CRPPA: variants seen among roughly 807,000 people sequenced by gnomAD.
CRPPA encodes the protein D-ribitol-5-phosphate cytidylyltransferase.
Under a neutral mutation model 52.0 loss-of-function variants are expected in CRPPA, and 43 were observed. The observed-to-expected ratio is 0.83, with a 90% confidence interval of 0.65 to 1.07. CRPPA has a LOEUF of 1.07. Among genes scored for constraint, CRPPA ranks in the 50% least tolerant of loss-of-function variants. The pLI is 0.00. For missense variants in CRPPA, 629 were observed against 551.7 expected (o/e 1.14, Z -1.40); for synonymous variants, 250 against 203.5 (o/e 1.23, Z -1.94).
chr7:16,320,361 C>G (rs1299692485), intron 3 of CRPPA, among the ~76,000 whole-genome samples: 1 of 152,000 alleles, frequency 6.6e-6, no homozygotes, highest in Non-Finnish European at 1.5e-5. Flanking sequence ...CTCAGAGGGA[C>G]TGGAAAACTT....
At chr7:16,302,294 T>TC (rs1182070490) in intron 4 of CRPPA, among the ~76,000 whole-genome samples, 7 of 7,788 alleles carry the variant, frequency 9.0e-4, no homozygotes, top group Non-Finnish European at 1.3e-3. Context: ...AGACTCTGTC[T>TC]CAAAAAAAAA....
chr7:16,306,845 C>G (rs1784923686), intron 4 of CRPPA, among the ~76,000 whole-genome samples: 1 of 152,084 alleles, frequency 6.6e-6, no homozygotes, highest in South Asian at 2.1e-4. Flanking sequence ...GTTAACCCAG[C>G]AGAGGCAGAC....
At chr7:16,386,132 G>C (rs371832684) in intron 2 of CRPPA, among the ~76,000 whole-genome samples, 1 of 152,018 alleles carries the variant, frequency 6.6e-6, no homozygotes. Context: ...GGTGGAGGTG[G>C]TCTCGGTAGG....
At chr7:16,305,876 G>A (rs966766475) in intron 4 of CRPPA, among the ~76,000 whole-genome samples, 18 of 152,082 alleles carry the variant, frequency 1.2e-4, no homozygotes, top group Non-Finnish European at 1.5e-4. Context: ...GCAAGACTCC[G>A]TCAAAAACAA....
chr7:16,260,463 T>A (rs1196960644), intron 6 of CRPPA, among the ~76,000 whole-genome samples: 2 of 152,008 alleles, frequency 1.3e-5, no homozygotes, highest in African/African-American at 4.8e-5. Context: ...CATCTCTCCA[T>A]GGAAATTGGA....
At chr7:16,191,645 T>A (rs1781613281) in intron 9 of CRPPA, among the ~76,000 whole-genome samples, 1 of 152,164 alleles carries the variant, frequency 6.6e-6, no homozygotes, top group African/African-American at 2.4e-5. Context: ...TAGTCTTAGC[T>A]ATATTGGACT....
intron 9 of CRPPA, among the ~76,000 whole-genome samples, chr7:16,198,319 C>A (rs1023910196): frequency 5.1e-5 from 2 of 39,506 alleles, no homozygotes; most frequent in Admixed American, 3.2e-4. Context: ...GGAGGTGGGA[C>A]CTGCGGGCAG....
At chr7:16,251,655 A>G (rs1429880227) in intron 8 of CRPPA, among the ~76,000 whole-genome samples, 7 of 152,226 alleles carry the variant, frequency 4.6e-5, no homozygotes, top group Non-Finnish European at 1.0e-4. Flanking sequence ...TGAAGACAGA[A>G]ATAAAGATGT....
chr7:16,283,859 G>A (rs1784369544), intron 5 of CRPPA, among the ~76,000 whole-genome samples: 1 of 151,900 alleles, frequency 6.6e-6, no homozygotes, highest in Admixed American at 6.6e-5. Flanking sequence ...ATTAAATAAG[G>A]TAACATATTT....
intron 6 of CRPPA, among the ~76,000 whole-genome samples, chr7:16,265,763 C>G (rs2074632): frequency 0.071 from 10,769 of 152,220 alleles, 469 homozygotes; most frequent in East Asian, 0.15. Flanking sequence ...CCAGAATCTA[C>G]GCTAAATACT....
chr7:16,306,622 G>C (rs990928025), intron 4 of CRPPA, among the ~76,000 whole-genome samples: 4 of 152,142 alleles, frequency 2.6e-5, no homozygotes, highest in African/African-American at 9.7e-5. Context: ...AGGGATTATT[G>C]ACATGTCAGT....
chr7:16,356,275 A>G (rs1786292456), intron 3 of CRPPA, among the ~76,000 whole-genome samples: 1 of 152,228 alleles, frequency 6.6e-6, no homozygotes, highest in South Asian at 2.1e-4. Context: ...CAAGGAAGGT[A>G]CTACCTTCTT....
At chr7:16,144,233 A>T (rs1016763672) in intron 9 of CRPPA, among the ~76,000 whole-genome samples, 1 of 152,186 alleles carries the variant, frequency 6.6e-6, no homozygotes, top group African/African-American at 2.4e-5. Flanking sequence ...TTTCACCAAA[A>T]ATCCAGGGAT....
chr7:16,278,676 G>A (rs1250234192), intron 5 of CRPPA, among the ~76,000 whole-genome samples: 1 of 152,188 alleles, frequency 6.6e-6, no homozygotes, highest in African/African-American at 2.4e-5. Flanking sequence ...AGTACATTGT[G>A]TTCCTTGACA....
At chr7:16,193,327 T>C (rs1208742778) in intron 9 of CRPPA, among the ~76,000 whole-genome samples, 1 of 152,088 alleles carries the variant, frequency 6.6e-6, no homozygotes, top group Non-Finnish European at 1.5e-5. Context: ...ATTTCCAATA[T>C]TTGTTTGTAG....
intron 2 of CRPPA, among the ~76,000 whole-genome samples, chr7:16,387,088 C>CGTATATATATATAT (rs1562671736): frequency 0.043 from 1,485 of 34,738 alleles, 56 homozygotes; most frequent in African/African-American, 0.16. Context: ...TATATATATA[C>CGTATATATATATAT]ACACATATAT....
intron 9 of CRPPA, among the ~76,000 whole-genome samples, chr7:16,185,346 C>A (rs1052482930): frequency 6.6e-6 from 1 of 152,102 alleles, no homozygotes; most frequent in African/African-American, 2.4e-5. Flanking sequence ...CATTATCTCC[C>A]ACCAGGACCC....
chr7:16,252,212 G>C (rs1300764092), intron 8 of CRPPA, among the ~76,000 whole-genome samples: 3 of 151,804 alleles, frequency 2.0e-5, no homozygotes, highest in Admixed American at 1.3e-4. Flanking sequence ...CTGCAATCAA[G>C]TCGGCTTCAT....
chr7:16,221,360 A>T (rs926739421), intron 8 of CRPPA, among the ~76,000 whole-genome samples: 1 of 152,212 alleles, frequency 6.6e-6, no homozygotes, highest in African/African-American at 2.4e-5. Context: ...AAACCTAGGC[A>T]TCACCATTCA....
Sources: gnomAD v4.1 joint callset for allele counts (sites outside exome capture counted in the v4.1 genomes callset) on GRCh38, gnomAD v4.1.1 for gene constraint, MANE v1.5 for transcripts, NCBI Gene and HGNC (gene_info 2026-07-23, HGNC 2026-07-21) for gene names.